DAB1: variants seen among roughly 807,000 people sequenced by gnomAD.
DAB1 encodes the protein disabled homolog 1.
In DAB1, 15 loss-of-function variants were observed where a neutral mutation model predicts 64.6. The ratio of observed to expected loss-of-function variants is 0.23; its 90% CI spans 0.16 to 0.36. DAB1 has a LOEUF of 0.36. Ranked by LOEUF, DAB1 falls within the 10% of genes least tolerant of loss-of-function variation. The probability of loss-of-function intolerance (pLI) is 1.00; values close to 1 mark genes in which losing one functional copy is unlikely to be tolerated. For synonymous variants in DAB1, 235 were observed against 251.9 expected, an observed-to-expected ratio of 0.93 and a Z score of 0.64; for missense variants, 596 against 706.7, an observed-to-expected ratio of 0.84 and a Z score of 1.78.
At chr1:57,400,107 A>G (rs1683120324) in intron 1 of DAB1, among the ~76,000 whole-genome samples, 2 of 152,194 alleles carry the variant, frequency 1.3e-5, no homozygotes, top group African/African-American at 4.8e-5. Flanking sequence ...AACTTGTAAT[A>G]TCACTACTAC....
At chr1:57,256,959 T>G (rs1160341177) in intron 2 of DAB1, among the ~76,000 whole-genome samples, 1 of 152,186 alleles carries the variant, frequency 6.6e-6, no homozygotes, top group Non-Finnish European at 1.5e-5. Flanking sequence ...GAAGCAGGAT[T>G]TATACCATGG....
chr1:57,598,141 C>A (rs562880774), intron 7 of DAB1, among the ~76,000 whole-genome samples: 1 of 152,284 alleles, frequency 6.6e-6, no homozygotes, highest in African/African-American at 2.4e-5. Flanking sequence ...CGCCACCACG[C>A]CTGGCTAATT....
chr1:57,930,396 A>G (rs1398557470), intron 5 of DAB1, among the ~76,000 whole-genome samples: 2 of 152,126 alleles, frequency 1.3e-5, no homozygotes, highest in Non-Finnish European at 2.9e-5. Flanking sequence ...GTTAGAATTC[A>G]TTTGTCAATA....
intron 5 of DAB1, among the ~76,000 whole-genome samples, chr1:57,930,967 T>G (rs553338640): frequency 6.6e-6 from 1 of 152,298 alleles, no homozygotes; most frequent in African/African-American, 2.4e-5. Context: ...ATTCTCACCA[T>G]TAAGTATCAT....
intron 1 of DAB1, among the ~76,000 whole-genome samples, chr1:58,541,182 T>C (rs1473908222): frequency 3.3e-5 from 5 of 151,232 alleles, no homozygotes. Context: ...TAATCCCAGC[T>C]ACTCAGGAGG....
At chr1:58,502,299 G>C (rs1461689856) in intron 3 of DAB1, among the ~76,000 whole-genome samples, 1 of 152,178 alleles carries the variant, frequency 6.6e-6, no homozygotes, top group Non-Finnish European at 1.5e-5. Flanking sequence ...CTATGAATCT[G>C]ATCCAACACA....
chr1:58,452,871 T>A (rs1169245585), intron 3 of DAB1, among the ~76,000 whole-genome samples: 1 of 151,208 alleles, frequency 6.6e-6, no homozygotes, highest in East Asian at 1.9e-4. Context: ...AAAACAAAGC[T>A]AAACCTACAC....
At chr1:58,133,204 C>T (rs1653744562) in intron 5 of DAB1, among the ~76,000 whole-genome samples, 1 of 152,108 alleles carries the variant, frequency 6.6e-6, no homozygotes, top group African/African-American at 2.4e-5. Context: ...TTGCTTTTTC[C>T]CCACCATGCA....
At chr1:58,288,414 G>A (rs1401268231) in intron 4 of DAB1, among the ~76,000 whole-genome samples, 10 of 152,124 alleles carry the variant, frequency 6.6e-5, no homozygotes, top group Non-Finnish European at 1.3e-4. Context: ...AAAGGTGCCC[G>A]GTAGCAATCT....
At chr1:58,132,966 T>A (rs1240997707) in intron 5 of DAB1, among the ~76,000 whole-genome samples, 1 of 152,208 alleles carries the variant, frequency 6.6e-6, no homozygotes, top group Non-Finnish European at 1.5e-5. Flanking sequence ...ATTCTGAGAT[T>A]TCTTTTGTAC....
At chr1:57,875,445 C>T (rs1364407780) in intron 1 of DAB1, among the ~76,000 whole-genome samples, 1 of 152,202 alleles carries the variant, frequency 6.6e-6, no homozygotes, top group South Asian at 2.1e-4. Flanking sequence ...CTCATTCATT[C>T]TTTCAACAAG....
chr1:57,359,614 G>A (rs1457349765), intron 1 of DAB1, among the ~76,000 whole-genome samples: 1 of 151,820 alleles, frequency 6.6e-6, no homozygotes, highest in Non-Finnish European at 1.5e-5. Flanking sequence ...AATGAAATCA[G>A]TATGTTGAAG....
intron 3 of DAB1, among the ~76,000 whole-genome samples, chr1:58,350,450 C>G (rs1644044521): frequency 6.6e-6 from 1 of 152,224 alleles, no homozygotes; most frequent in African/African-American, 2.4e-5. Context: ...TGTTCAGAAG[C>G]TCTTTAGTTT....
intron 4 of DAB1, among the ~76,000 whole-genome samples, chr1:58,151,827 T>C (rs1190761767): frequency 2.0e-5 from 3 of 152,216 alleles, no homozygotes; most frequent in Admixed American, 6.5e-5. Context: ...CACATTTTGA[T>C]ATAGCTGGAT....
chr1:57,476,944 T>C (rs1643946044), intron 7 of DAB1, among the ~76,000 whole-genome samples: 1 of 152,226 alleles, frequency 6.6e-6, no homozygotes, highest in Non-Finnish European at 1.5e-5. Flanking sequence ...AATGGGTCTG[T>C]CACCTTCCAT....
chr1:57,553,538 T>A (rs3958553), intron 7 of DAB1, among the ~76,000 whole-genome samples: 128,000 of 144,862 alleles, frequency 0.88, 58,329 homozygotes, highest in East Asian at 1. Context: ...GTACAACAAA[T>A]TCAGACCACT....
intron 4 of DAB1, among the ~76,000 whole-genome samples, chr1:58,233,951 G>A (rs925069095): frequency 1.8e-4 from 27 of 152,278 alleles, no homozygotes; most frequent in Non-Finnish European, 3.4e-4. Context: ...TTGACAACCA[G>A]TCTCGACTCT....
chr1:58,336,768 C>G (rs1475664421), intron 4 of DAB1, among the ~76,000 whole-genome samples: 1 of 152,070 alleles, frequency 6.6e-6, no homozygotes, highest in African/African-American at 2.4e-5. Flanking sequence ...AGGGAAATAT[C>G]TTAAGCAGTT....
At chr1:57,690,459 C>T (rs1371108430) in intron 6 of DAB1, among the ~76,000 whole-genome samples, 2 of 152,178 alleles carry the variant, frequency 1.3e-5, no homozygotes, top group African/African-American at 2.4e-5. Context: ...TCTCTCTCTT[C>T]CTCCTGCTCC....
Sources: gnomAD v4.1 joint callset for allele counts (sites outside exome capture counted in the v4.1 genomes callset) on GRCh38, gnomAD v4.1.1 for gene constraint, MANE v1.5 for transcripts, NCBI Gene and HGNC (gene_info 2026-07-23, HGNC 2026-07-21) for gene names.